NRXN1: variants seen among roughly 807,000 people sequenced by gnomAD.
NRXN1 encodes the protein neurexin 1.
Under a neutral mutation model 150.9 loss-of-function variants are expected in NRXN1, and 39 were observed. The ratio of observed to expected loss-of-function variants is 0.26; its 90% confidence interval spans 0.20 to 0.34. NRXN1 has a LOEUF of 0.34. NRXN1 is among the 10% of genes least tolerant of loss of function. NRXN1 has a pLI of 1.00. For synonymous variants in NRXN1, 924 were observed against 757.0 expected, an observed-to-expected ratio of 1.22 and a Z score of -3.62; for missense variants, 1,815 against 1,949.9, an observed-to-expected ratio of 0.93 and a Z score of 1.30.
intron 18 of NRXN1, among the ~76,000 whole-genome samples, chr2:50,211,546 C>T (rs1293023536): frequency 6.6e-6 from 1 of 151,284 alleles, no homozygotes; most frequent in African/African-American, 2.4e-5. Context: ...TCCATTATAA[C>T]AGCAAAAGAA....
intron 17 of NRXN1, among the ~76,000 whole-genome samples, chr2:50,244,120 G>T (rs1421256343): frequency 1.3e-5 from 2 of 151,676 alleles, no homozygotes; most frequent in Non-Finnish European, 2.9e-5. Context: ...ATCTTAGAAA[G>T]AATTATATAT....
intron 18 of NRXN1, among the ~76,000 whole-genome samples, chr2:50,169,334 T>C (rs1156548399): frequency 6.6e-6 from 1 of 152,198 alleles, no homozygotes; most frequent in Non-Finnish European, 1.5e-5. Flanking sequence ...AATGGGTACC[T>C]TGCCCCAGTG....
chr2:50,461,756 T>G (rs977871616), intron 17 of NRXN1, among the ~76,000 whole-genome samples: 1 of 151,946 alleles, frequency 6.6e-6, no homozygotes, highest in African/African-American at 2.4e-5. Flanking sequence ...GAGGGAAAAA[T>G]AATGTCAAGC....
intron 5 of NRXN1, chr2:50,917,712 C>G (rs950169903): frequency 3.3e-5 from 5 of 151,672 alleles, no homozygotes; most frequent in Admixed American, 6.6e-5. Context: ...GAAGCAAAAT[C>G]TCACTGGACA....
intron 17 of NRXN1, among the ~76,000 whole-genome samples, chr2:50,306,149 T>C (rs926112654): frequency 1.3e-5 from 2 of 152,162 alleles, no homozygotes; most frequent in African/African-American, 4.8e-5. Flanking sequence ...AAAAACTAGA[T>C]TAATCTATTG....
chr2:50,161,693 G>A (rs1351119509), intron 18 of NRXN1, among the ~76,000 whole-genome samples: 4 of 152,096 alleles, frequency 2.6e-5, no homozygotes, highest in African/African-American at 7.2e-5. Flanking sequence ...TCAGCAGTAT[G>A]TTATATTCAC....
chr2:50,602,395 C>CTT (rs5831140), intron 8 of NRXN1, among the ~76,000 whole-genome samples: 73 of 149,220 alleles, frequency 4.9e-4, no homozygotes, highest in Middle Eastern at 6.8e-3. Flanking sequence ...GTTCATTTTT[C>CTT]TTTTTTTTTT....
chr2:50,263,807 G>A (rs1017818878), intron 17 of NRXN1, among the ~76,000 whole-genome samples: 3 of 152,120 alleles, frequency 2.0e-5, no homozygotes, highest in African/African-American at 7.2e-5. Flanking sequence ...GAGGGTGGCA[G>A]CTACATTCAA....
At chr2:50,317,986 T>C (rs2075744556) in intron 17 of NRXN1, among the ~76,000 whole-genome samples, 1 of 152,054 alleles carries the variant, frequency 6.6e-6, no homozygotes. Context: ...AGGGAAATAC[T>C]GATAATTTAA....
intron 5 of NRXN1, among the ~76,000 whole-genome samples, chr2:50,640,807 C>A (rs947004265): frequency 2.0e-5 from 3 of 152,082 alleles, no homozygotes; most frequent in African/African-American, 7.2e-5. Flanking sequence ...ATGATCGTAG[C>A]CTATCTCTAA....
At chr2:50,471,551 C>T (rs1230184632) in intron 16 of NRXN1, among the ~76,000 whole-genome samples, 1 of 151,848 alleles carries the variant, frequency 6.6e-6, no homozygotes, top group South Asian at 2.1e-4. Flanking sequence ...TTATGCATTG[C>T]GCAGTGATAA....
At chr2:50,019,668 T>C (rs1374369477) in intron 21 of NRXN1, among the ~76,000 whole-genome samples, 1 of 73,506 alleles carries the variant, frequency 1.4e-5, no homozygotes, top group Non-Finnish European at 2.7e-5. Context: ...AAAAGGAGGC[T>C]GGGCGCGGTG....
At chr2:51,025,783 T>C (rs1670347865) in intron 2 of NRXN1, among the ~76,000 whole-genome samples, 3 of 152,218 alleles carry the variant, frequency 2.0e-5, no homozygotes, top group Admixed American at 1.3e-4. Flanking sequence ...ATCTTTTTTA[T>C]TTTGTAAAAC....
chr2:50,633,152 A>G (rs1171866052), intron 5 of NRXN1, among the ~76,000 whole-genome samples: 1 of 152,136 alleles, frequency 6.6e-6, no homozygotes. Context: ...GCAACTGAAA[A>G]CTATCATGCA....
chr2:50,815,424 C>T (rs2105790567), intron 5 of NRXN1, among the ~76,000 whole-genome samples: 1 of 152,180 alleles, frequency 6.6e-6, no homozygotes, highest in Admixed American at 6.6e-5. Context: ...ATTTCATATA[C>T]TAAAACACAG....
chr2:50,078,175 G>T (rs189826312), intron 19 of NRXN1, among the ~76,000 whole-genome samples: 1 of 151,938 alleles, frequency 6.6e-6, no homozygotes, highest in African/African-American at 2.4e-5. Flanking sequence ...TGGATTGTTA[G>T]AAAAATTAGG....
intron 2 of NRXN1, among the ~76,000 whole-genome samples, chr2:50,939,675 C>T (rs1689108648): frequency 6.6e-6 from 1 of 152,072 alleles, no homozygotes; most frequent in Non-Finnish European, 1.5e-5. Context: ...AACTAGTCAC[C>T]ATGGTACCTA....
At chr2:50,247,354 G>C (rs1317689533) in intron 17 of NRXN1, among the ~76,000 whole-genome samples, 2 of 152,082 alleles carry the variant, frequency 1.3e-5, no homozygotes, top group Non-Finnish European at 2.9e-5. Context: ...ACAGGGAAAA[G>C]CTGGATATAC....
intron 17 of NRXN1, among the ~76,000 whole-genome samples, chr2:50,422,143 T>A (rs766161139): frequency 1.3e-5 from 2 of 152,150 alleles, no homozygotes; most frequent in African/African-American, 4.8e-5. Flanking sequence ...AAATAAAAAG[T>A]ATAATTTCTA....
Sources: allele counts gnomAD v4.1 joint callset (sites outside exome capture counted in the v4.1 genomes callset), GRCh38; gene constraint gnomAD v4.1.1; transcripts MANE v1.5; gene names NCBI Gene and HGNC (gene_info 2026-07-23, HGNC 2026-07-21).